Variants in HMGXB4 observed in about 807,000 individuals in gnomAD.
HMGXB4 encodes HMG-box containing 4.
Under a neutral mutation model 63.9 loss-of-function variants are expected in HMGXB4, and 27 were observed. The observed-to-expected ratio is 0.42, with a 90% confidence interval of 0.31 to 0.58. The LOEUF (loss-of-function observed/expected upper bound fraction) is 0.58. HMGXB4 is among the 20% of genes least tolerant of loss of function. The pLI, the probability that HMGXB4 is intolerant of heterozygous loss-of-function variation, is 0.13. For missense variants in HMGXB4, 624 were observed against 700.7 expected, an observed-to-expected ratio of 0.89 and a Z score of 1.24; for synonymous variants, 264 against 265.3, an observed-to-expected ratio of 0.99 and a Z score of 0.05.
Position 35,285,467 on chromosome 22 carries a change from C to T in HMGXB4, c.1298-530C>T, listed in dbSNP as rs532116686. Among the ~76,000 whole-genome samples, 9 of 152,280 alleles carry T rather than the reference C, an allele frequency of 5.9e-5. No individual in the cohort carries two copies. In the South Asian group the frequency reaches 1.9e-3, roughly 32 times the overall value. ...GGCTGAGGCAGGAGAATCACTTGAA[C>T]CTAGGAGGCAGAGGTTGCAGTGAGT... On this transcript the variant is annotated intron_variant, in intron 6 of 10. Transcript: ENST00000216106.
chr22:35,248,446 A>T, the HMGXB4 span, among the ~76,000 whole-genome samples: 19 of 136,186 alleles, frequency 1.4e-4, no homozygotes, highest in African/African-American at 5.1e-4. Context: ...TCGCTCCGTC[A>T]CCCAGGCTGA....
intron 5 of HMGXB4, among the ~76,000 whole-genome samples, chr22:35,277,945 G>A (rs1347138442): frequency 2.0e-5 from 3 of 152,114 alleles, no homozygotes; most frequent in African/African-American, 7.2e-5. Flanking sequence ...AATGTATCAT[G>A]ACACGTATCC....
At position 35,265,613 on chromosome 22, in the gene HMGXB4, C is replaced by CT. The variant is rs1243347239; in HGVS notation, c.1215+14dup. The CT allele has an allele frequency of 1.3e-6, 2 of 1,546,950 alleles. No individual in the cohort carries two copies. The highest frequency in any genetic ancestry group is 2.1e-5 in the Admixed American group (1 of 47,924). On this transcript the variant is annotated intron_variant, in intron 5 of 10. Coordinates refer to ENST00000216106, the MANE Select transcript of HMGXB4 (RefSeq NM_001003681.3). ...AGAGAGAGGAGAAAAGGTAAAGCATCTTTTAAGTGTGGTGGGGGTAAGAGA... is the reference window on the plus strand; with the variant it reads ...AGAGAGAGGAGAAAAGGTAAAGCATCTTTTTAAGTGTGGTGGGGGTAAGAGA...
chr22:35,280,598 T>C (rs770009565), intron 5 of HMGXB4, among the ~76,000 whole-genome samples: 1 of 152,230 alleles, frequency 6.6e-6, no homozygotes, highest in Non-Finnish European at 1.5e-5. Context: ...TCTTCTCCAG[T>C]TTGTTCTCCA....
chr22:35,287,254 CTTTCT>C, intron 7 of HMGXB4, 88 bp from the exon 8 acceptor site: 1 of 1,015,630 alleles, frequency 9.8e-7, no homozygotes, highest in Non-Finnish European at 1.5e-6. Context: ...TTACTATTGC[CTTTCT>C]TTTCTCCATT....
chr22:35,281,517 A>G (rs1924242186), intron 5 of HMGXB4, among the ~76,000 whole-genome samples: 2 of 152,262 alleles, frequency 1.3e-5, no homozygotes, highest in Non-Finnish European at 2.9e-5. Flanking sequence ...TGTGACAGCT[A>G]TAGTTAGCCT....
Position 35,294,339 on chromosome 22 carries a change from G to C in HMGXB4, c.*688G>C, listed in dbSNP as rs377200554. On this transcript the variant is annotated 3_prime_UTR_variant, in exon 11 of 11. Coordinates refer to ENST00000216106, the MANE Select transcript of HMGXB4 (RefSeq NM_001003681.3). ...AGCCCTGGCAGCAAAAAACACCTTG[G>C]GGGGTGAAGCTGTCAATGCCACCAG... The C allele has an allele frequency of 6.6e-6, 1 of 152,506 alleles. No homozygotes were observed. The highest frequency in any genetic ancestry group is 1.5e-5 in the Non-Finnish European group (1 of 68,030). The allele number at this position is 152,506 out of a possible 1,614,324, so 9.4% of individuals were successfully genotyped here.
At chr22:35,264,045 G>C in intron 4 of HMGXB4, 171 bp downstream of exon 4, 1 of 1,547,148 alleles carries the variant, frequency 6.5e-7, no homozygotes, top group Non-Finnish European at 8.7e-7. Context: ...TGGAGGGCTG[G>C]TATTTTGGAG....
At chr22:35,265,702 G>T in intron 5 of HMGXB4, 99 bp downstream of exon 5, 1 of 1,417,086 alleles carries the variant, frequency 7.1e-7, no homozygotes. Flanking sequence ...TAAACCACTG[G>T]GAATTAAGCA....
At chr22:35,263,465 C>CA (rs955652421) in intron 3 of HMGXB4, among the ~76,000 whole-genome samples, 15 of 151,858 alleles carry the variant, frequency 9.9e-5, no homozygotes, top group African/African-American at 3.6e-4. Flanking sequence ...TGTATTTTAT[C>CA]AGAGACAGGG....
At chr22:35,248,315 C>T in the HMGXB4 span, among the ~76,000 whole-genome samples, 2 of 151,502 alleles carry the variant, frequency 1.3e-5, no homozygotes, top group Non-Finnish European at 1.5e-5. Flanking sequence ...CTGGCATCTG[C>T]TTCTGGTGTG....
chr22:35,247,026 GGTCT>G, the HMGXB4 span, among the ~76,000 whole-genome samples: 1 of 151,846 alleles, frequency 6.6e-6, no homozygotes, highest in Non-Finnish European at 1.5e-5. Flanking sequence ...GTCTTTTCTG[GGTCT>G]GTCTATATGG....
intron 1 of HMGXB4, among the ~76,000 whole-genome samples, chr22:35,260,399 A>G (rs1027465445): frequency 7.2e-5 from 11 of 152,212 alleles, no homozygotes; most frequent in Non-Finnish European, 1.5e-4. Flanking sequence ...AATTGATATA[A>G]TTCCCTGTAT....
At chr22:35,281,092 A>G (rs1924214153) in intron 5 of HMGXB4, among the ~76,000 whole-genome samples, 1 of 152,210 alleles carries the variant, frequency 6.6e-6, no homozygotes, top group South Asian at 2.1e-4. Context: ...AGAATACTTT[A>G]ATGGGTTACT....
chr22:35,266,725 G>GTA (rs375397974), intron 5 of HMGXB4, among the ~76,000 whole-genome samples: 2 of 152,348 alleles, frequency 1.3e-5, no homozygotes, highest in East Asian at 3.9e-4. Flanking sequence ...GCTCATGCCT[G>GTA]TAATCCCAGC....
chr22:35,275,429 C>G (rs767419548), intron 5 of HMGXB4, among the ~76,000 whole-genome samples: 1 of 152,136 alleles, frequency 6.6e-6, no homozygotes, highest in Non-Finnish European at 1.5e-5. Flanking sequence ...CACCAAATTT[C>G]ATTTTTTAGA....
chr22:35,245,716 G>A, the HMGXB4 span, among the ~76,000 whole-genome samples: 1 of 152,156 alleles, frequency 6.6e-6, no homozygotes, highest in Non-Finnish European at 1.5e-5. Flanking sequence ...GCAAAGAGGG[G>A]TTTGCCGCCT....
chr22:35,253,144 A>AAAAAAAAAAAAAAAAAAAAAAAAG (rs11282400), upstream of HMGXB4, among the ~76,000 whole-genome samples: 73 of 125,322 alleles, frequency 5.8e-4, 2 homozygotes, highest in East Asian at 1.2e-3. Flanking sequence ...AAAAAAAAAA[A>AAAAAAAAAAAAAAAAAAAAAAAAG]AAAAAAGAAA....
In HMGXB4 at chr22:35,264,767, T is replaced by C; in HGVS notation, c.379T>C (p.Ser127Pro). The C allele has an allele frequency of 1.2e-6, 2 of 1,614,158 alleles. No homozygotes were observed. Among genetic ancestry groups the C allele is most frequent in the Non-Finnish European group, 1.7e-6 (2 of 1,180,028 alleles). Residue 127 changes from serine to proline, a missense_variant, in exon 5 of 11, where the codon TCC becomes CCC. By Grantham distance (74) the Ser-to-Pro change is moderately conservative. Around this residue, in one of 2 missense-constraint regions of HMGXB4, gnomAD observed 472 missense variants for 470.6 expected, o/e 1.00. Transcript: ENST00000216106. ...TSPLAAGSKP[S>P]KKTGEKSSGS... ...CCCACTGGCAGCAGGCTCCAAGCCCTCCAAAAAGACTGGGGAGAAATCCTC... is the reference window on the plus strand; with the variant it reads ...CCCACTGGCAGCAGGCTCCAAGCCCCCCAAAAAGACTGGGGAGAAATCCTC...
Sources: gnomAD v4.1 joint callset for allele counts (sites outside exome capture counted in the v4.1 genomes callset) on GRCh38, gnomAD v4.1.1 for gene constraint, gnomAD v4.1.1 regional missense constraint, MANE v1.5 for transcripts, NCBI Gene and HGNC (gene_info 2026-07-23, HGNC 2026-07-21) for gene names.